The following CLEC9A variants were observed in gnomAD, a reference collection of about 807,000 sequenced individuals.
The protein encoded by CLEC9A is C-type lectin domain family 9 member A.
Under a neutral mutation model 30.0 loss-of-function variants are expected in CLEC9A, and 24 were observed. The observed-to-expected ratio is 0.80, with a 90% CI of 0.58 to 1.13. CLEC9A has a LOEUF of 1.13. Ranked by LOEUF, CLEC9A falls within the 50% of genes most tolerant of loss-of-function variation. CLEC9A has a pLI of 0.00. For missense variants in CLEC9A, 251 were observed against 280.9 expected (o/e 0.89, Z 0.76); for synonymous variants, 111 against 96.8 (o/e 1.15, Z -0.86).
At position 10,047,066 on chromosome 12, in the gene CLEC9A, C is replaced by CT. The variant is rs1865852840; in HGVS notation, c.-162-4919dup. Among the ~76,000 whole-genome samples, 4 of 152,030 alleles carry CT rather than the reference C, an allele frequency of 2.6e-5. No homozygotes were observed. In the South Asian group the frequency reaches 8.3e-4, roughly 31 times the overall value. On this transcript the variant is annotated intron_variant, in intron 2 of 8. Coordinates refer to ENST00000355819, the MANE Select transcript of CLEC9A (RefSeq NM_207345.4). The stretch of plus-strand genomic sequence containing the variant: ...CACTTAAAGACACTTGAATCTTTAT[C>CT]TTTTTTCTAGACTATCAATAAACAA...
At position 10,052,021 on chromosome 12, in the gene CLEC9A, C is replaced by T. The variant is rs1004821358; in HGVS notation, c.-132C>T. The T allele has an allele frequency of 6.6e-6, 1 of 152,228 alleles. No individual in the cohort carries two copies. The highest frequency in any genetic ancestry group is 6.5e-5 in the Admixed American group (1 of 15,298). The allele number at this position is 152,228 out of a possible 1,614,324, so 9.4% of individuals were successfully genotyped here. On this transcript the variant is annotated 5_prime_UTR_variant, in exon 3 of 9. The change creates a premature stop within an existing upstream ORF in the 5' untranslated region. Coordinates refer to ENST00000355819, the MANE Select transcript of CLEC9A (RefSeq NM_207345.4). ...AGAAGTCAAGGGCTCCAATGTCTCC[C>T]AAGACGAAAGAATCCCAAGTCTCAT...
intron 2 of CLEC9A, among the ~76,000 whole-genome samples, chr12:10,042,983 A>G (rs1190694958): frequency 6.6e-6 from 1 of 152,234 alleles, no homozygotes; most frequent in African/African-American, 2.4e-5. Flanking sequence ...ACATAGGAAC[A>G]TTAGAATTTC....
chr12:10,040,519 C>T (rs967983914), intron 1 of CLEC9A, among the ~76,000 whole-genome samples: 2 of 150,504 alleles, frequency 1.3e-5, no homozygotes, highest in East Asian at 2.0e-4. Context: ...GGCGCCATCT[C>T]GGCTCACTGT....
At chr12:10,031,515 T>A (rs1424288080) in intron 1 of CLEC9A, among the ~76,000 whole-genome samples, 1 of 152,212 alleles carries the variant, frequency 6.6e-6, no homozygotes, top group Non-Finnish European at 1.5e-5. Flanking sequence ...TGCTGACTCA[T>A]TGTCTGGTGC....
intron 2 of CLEC9A, among the ~76,000 whole-genome samples, chr12:10,042,685 A>G (rs74061471): frequency 0.016 from 2,458 of 152,342 alleles, 50 homozygotes; most frequent in African/African-American, 0.056. Context: ...AGAGAAAAGT[A>G]AACCAGGAAA....
rs765314441 is a variant in CLEC9A at position 10,064,781 on chromosome 12, G to A, written c.521G>A (p.Trp174Ter). 1 of 1,613,600 alleles carries A rather than the reference G, an allele frequency of 6.2e-7. No individual in the cohort carries two copies. The highest frequency in any genetic ancestry group is 8.5e-7 in the Non-Finnish European group (1 of 1,179,730). The change falls in exon 8 of 9, where the codon TGG (tryptophan) becomes TAG (stop). Residue 174 changes from tryptophan to a stop codon, truncating the protein, a stop_gained. Coordinates refer to ENST00000355819, the MANE Select transcript of CLEC9A (RefSeq NM_207345.4). LOFTEE classifies it high-confidence loss of function. ...LRKIKGSYDY[W>*]VGLSQDGHSG... ...AAGATTAAAGGAAGCTATGATTACT[G>A]GGTGGGGTTGTCTCAGGATGGACAC...
intron 2 of CLEC9A, among the ~76,000 whole-genome samples, chr12:10,042,025 A>G (rs1865802168): frequency 1.3e-5 from 2 of 152,236 alleles, no homozygotes; most frequent in Non-Finnish European, 1.5e-5. Context: ...CAACAAAATA[A>G]GAGAATTTCC....
At chr12:10,050,687 TG>T (rs1202220524) in intron 2 of CLEC9A, among the ~76,000 whole-genome samples, 1 of 152,234 alleles carries the variant, frequency 6.6e-6, no homozygotes, top group Non-Finnish European at 1.5e-5. Flanking sequence ...TTTCTGAGCC[TG>T]ATTTTTAGTG....
chr12:10,034,360 C>G (rs948062713), intron 1 of CLEC9A, among the ~76,000 whole-genome samples: 4 of 152,226 alleles, frequency 2.6e-5, no homozygotes, highest in Admixed American at 6.5e-5. Flanking sequence ...GACAGTGAAG[C>G]TTAAACAAAC....
intron 2 of CLEC9A, chr12:10,043,114 T>A: frequency 4.0e-6 from 1 of 248,740 alleles, no homozygotes; most frequent in South Asian, 4.1e-5. Context: ...TAATCCAACT[T>A]TTTTTTTTGT....
chr12:10,043,122 TG>T, intron 2 of CLEC9A: 1 of 259,476 alleles, frequency 3.9e-6, no homozygotes, highest in South Asian at 3.7e-5. Context: ...CTTTTTTTTT[TG>T]TCCAGGGTCT....
chr12:10,043,609 A>AGT (rs34659428), intron 2 of CLEC9A, among the ~76,000 whole-genome samples: 77,549 of 143,736 alleles, frequency 0.54, 22,044 homozygotes, highest in Middle Eastern at 0.74. Flanking sequence ...ACCATGGAAC[A>AGT]GTGTGTGTGT....
chr12:10,062,947 C>T (rs1015941169), intron 6 of CLEC9A, 108 bp from the exon 7 acceptor site: 34 of 860,692 alleles, frequency 4.0e-5, no homozygotes, highest in Admixed American at 3.9e-4. Context: ...TGGACCATTA[C>T]GTTATGAGAT....
intron 2 of CLEC9A, among the ~76,000 whole-genome samples, chr12:10,044,460 A>G (rs1311785007): frequency 6.6e-6 from 1 of 152,204 alleles, no homozygotes; most frequent in Non-Finnish European, 1.5e-5. Context: ...TTGCTGCCTC[A>G]TTCACAATAT....
Position 10,043,970 on chromosome 12 carries a change from C to T in CLEC9A, c.-163+2350C>T, listed in dbSNP as rs188271345. On this transcript the variant is annotated intron_variant, in intron 2 of 8. Transcript: ENST00000355819. ...CTGGCATTACAGGCATAAGCCACCG[C>T]GCCTGGCCCTCTCCATATATTTTTT... Among the ~76,000 whole-genome samples, 244 of 152,252 alleles carry T rather than the reference C, an allele frequency of 1.6e-3. No homozygotes were observed. In the East Asian group the frequency reaches 0.025, roughly 16 times the overall value.
intron 5 of CLEC9A, among the ~76,000 whole-genome samples, chr12:10,056,019 A>G (rs970482790): frequency 7.9e-6 from 1 of 127,318 alleles, no homozygotes; most frequent in Non-Finnish European, 1.6e-5. Flanking sequence ...AGATTGTACC[A>G]CTGCACTCCA....
intron 1 of CLEC9A, among the ~76,000 whole-genome samples, chr12:10,037,838 ACT>A (rs762647780): frequency 1.3e-5 from 2 of 152,082 alleles, no homozygotes; most frequent in South Asian, 2.1e-4. Flanking sequence ...ATCAAAGGTA[ACT>A]CTATGTGTGT....
chr12:10,046,860 A>G (rs554516594), intron 2 of CLEC9A, among the ~76,000 whole-genome samples: 1 of 152,306 alleles, frequency 6.6e-6, no homozygotes, highest in African/African-American at 2.4e-5. Flanking sequence ...ATGGCTTTGG[A>G]TAAGTAATTT....
chr12:10,064,721 T>C lies in CLEC9A; in HGVS notation c.472-11T>C. ...TTTTTCTCATTTCACAGTTCAATTT[T>C]TGTCTCATAGGATTTTATCACTGGC... is the stretch of plus-strand genomic sequence containing the variant. On this transcript the variant is annotated splice_polypyrimidine_tract_variant and intron_variant, in intron 7 of 8. Coordinates refer to ENST00000355819, the MANE Select transcript of CLEC9A (RefSeq NM_207345.4). 2.1e-6 allele frequency: 3 copies of C among 1,456,628 alleles called. No homozygotes were observed. Among genetic ancestry groups the C allele is most frequent in the Non-Finnish European group, 2.7e-6 (3 of 1,105,240 alleles). The allele number at this position is 1,456,628 out of a possible 1,614,324, so 90.2% of individuals were successfully genotyped here. A position where few individuals can be genotyped will look rare whatever the true frequency, so the allele number is the denominator to read the frequency against.
Sources: allele counts gnomAD v4.1 joint callset (sites outside exome capture counted in the v4.1 genomes callset), GRCh38; gene constraint gnomAD v4.1.1; transcripts MANE v1.5; gene names NCBI Gene and HGNC (gene_info 2026-07-23, HGNC 2026-07-21).